The following PRDM16 variants were observed in gnomAD, a reference collection of about 807,000 sequenced individuals.
The protein encoded by PRDM16 is PR/SET domain 16.
A neutral mutation model predicts 110.6 loss-of-function variants in PRDM16; 23 were observed. That is an observed-to-expected ratio of 0.21 (90% confidence interval 0.15 to 0.29). The LOEUF (loss-of-function observed/expected upper bound fraction) is 0.29, where lower values mean the gene tolerates loss of function less well. Among genes scored for constraint, PRDM16 ranks in the 10% least tolerant of loss-of-function variants. PRDM16 has a pLI of 1.00. For missense variants in PRDM16, 1,615 were observed against 1,794.3 expected (o/e 0.90, Z 1.81); for synonymous variants, 799 against 781.8 (o/e 1.02, Z -0.37).
intron 3 of PRDM16, among the ~76,000 whole-genome samples, chr1:3,271,362 C>G (rs750158579): frequency 2.6e-5 from 4 of 152,186 alleles, no homozygotes; most frequent in Non-Finnish European, 4.4e-5. Flanking sequence ...CAGAGCCTCC[C>G]TGGGTCTCCC....
At chr1:3,395,929 C>T (rs139632123) in intron 4 of PRDM16, among the ~76,000 whole-genome samples, 2,893 of 152,316 alleles carry the variant, frequency 0.019, 42 homozygotes, top group Middle Eastern at 0.058. Context: ...AGCAGCAAGG[C>T]GCCAAGCTGA....
At chr1:3,375,902 G>C (rs1457101366) in intron 3 of PRDM16, among the ~76,000 whole-genome samples, 1 of 152,226 alleles carries the variant, frequency 6.6e-6, no homozygotes, top group Non-Finnish European at 1.5e-5. Flanking sequence ...AAGGGGAGGA[G>C]GGAACGAAGG....
In PRDM16 at chr1:3,081,618, G is replaced by T. The variant is rs1274432313; in HGVS notation, c.37+12322G>T. Among the ~76,000 whole-genome samples the T allele has an allele frequency of 6.6e-6, 1 of 152,202 alleles. No homozygotes were observed. The highest frequency in any genetic ancestry group is 1.5e-5 in the Non-Finnish European group (1 of 68,028). ...GGTCTTCCTTCTGTGAGCACGGGGGGTGAGCAGTGGGCAGCTCCAGGAAGC... is the reference window on the plus strand; with the variant it reads ...GGTCTTCCTTCTGTGAGCACGGGGGTTGAGCAGTGGGCAGCTCCAGGAAGC... On this transcript the variant is annotated intron_variant, in intron 1 of 16. Coordinates refer to ENST00000270722, the MANE Select transcript of PRDM16 (RefSeq NM_022114.4). This position sits in a 1 kb window ranked among gnomAD's most constrained non-coding sequence, Gnocchi z 4.6.
chr1:3,366,312 G>A (rs1389241700), intron 3 of PRDM16, among the ~76,000 whole-genome samples: 7 of 152,370 alleles, frequency 4.6e-5, no homozygotes, highest in South Asian at 4.1e-4. Context: ...ACTCCGGGAC[G>A]CGCTGATGTC....
rs984985777 is a variant in PRDM16, at chr1:3,434,397, C to T, written c.*586C>T. ...TGAAATTTGAGCTCATTTGCAAACC[C>T]GAGTCTGCCTGGGAACCCGCACTGT... On this transcript the variant is annotated 3_prime_UTR_variant, in exon 17 of 17. Coordinates refer to ENST00000270722, the MANE Select transcript of PRDM16 (RefSeq NM_022114.4). 8.6e-6 allele frequency: 2 copies of T among 232,190 alleles called. No individual in the cohort carries two copies. Among genetic ancestry groups the T allele is most frequent in the South Asian group, 1.8e-4 (1 of 5,548 alleles). The allele number at this position is 232,190 out of a possible 1,614,324, so 14.4% of individuals were successfully genotyped here.
chr1:3,401,045 C>T (rs907984999), intron 5 of PRDM16, among the ~76,000 whole-genome samples: 1 of 152,212 alleles, frequency 6.6e-6, no homozygotes, highest in Non-Finnish European at 1.5e-5. Context: ...GGAATCCCCA[C>T]CTTGGGCACC....
At chr1:3,166,313 T>C (rs1310690792) in intron 1 of PRDM16, among the ~76,000 whole-genome samples, 1 of 152,258 alleles carries the variant, frequency 6.6e-6, no homozygotes, top group Non-Finnish European at 1.5e-5. Flanking sequence ...GCAACTCCGA[T>C]GCCCACGAGG....
intron 2 of PRDM16, among the ~76,000 whole-genome samples, chr1:3,205,229 T>C (rs952452761): frequency 5.9e-5 from 9 of 151,944 alleles, no homozygotes; most frequent in African/African-American, 2.2e-4. Context: ...GCAGGAATGG[T>C]GCAGCCACAG....
intron 1 of PRDM16, among the ~76,000 whole-genome samples, chr1:3,073,549 A>G (rs1345611548): frequency 6.6e-6 from 1 of 152,000 alleles, no homozygotes; most frequent in Non-Finnish European, 1.5e-5. Context: ...CCCGTGCGGG[A>G]AGGAAACTTC....
chr1:3,373,064 C>G (rs960090750), intron 3 of PRDM16, among the ~76,000 whole-genome samples: 13 of 152,224 alleles, frequency 8.5e-5, no homozygotes, highest in Admixed American at 1.3e-4. Flanking sequence ...CAGGACCAGA[C>G]ATGGATGCTT....
At chr1:3,105,912 C>G (rs1642641049) in intron 1 of PRDM16, among the ~76,000 whole-genome samples, 1 of 149,588 alleles carries the variant, frequency 6.7e-6, no homozygotes, top group African/African-American at 2.5e-5. Context: ...AGCCCAAAGC[C>G]CCTCTGCCAC....
intron 1 of PRDM16, among the ~76,000 whole-genome samples, chr1:3,090,322 G>T (rs1257625304): frequency 6.6e-6 from 1 of 152,256 alleles, no homozygotes; most frequent in African/African-American, 2.4e-5. Flanking sequence ...ACTTCCAAGG[G>T]AGTCCAGCTG....
intron 3 of PRDM16, among the ~76,000 whole-genome samples, chr1:3,281,984 C>T (rs540064830): frequency 3.3e-4 from 50 of 152,308 alleles, no homozygotes; most frequent in African/African-American, 1.2e-3. Flanking sequence ...GAGTGCTGGC[C>T]TGCAGGAAAG....
At chr1:3,308,977 G>C (rs1420387469) in intron 3 of PRDM16, 1 of 152,216 alleles carries the variant, frequency 6.6e-6, no homozygotes, top group Non-Finnish European at 1.5e-5. Context: ...AGTCCGCCAG[G>C]CCCGGTGAAC....
intron 1 of PRDM16, among the ~76,000 whole-genome samples, chr1:3,153,882 G>A (rs1643817305): frequency 6.6e-6 from 1 of 152,204 alleles, no homozygotes; most frequent in African/African-American, 2.4e-5. Flanking sequence ...CTTACAAAAT[G>A]CAAATTAATA....
intron 1 of PRDM16, among the ~76,000 whole-genome samples, chr1:3,111,593 C>T (rs538563213): frequency 4.0e-5 from 6 of 148,860 alleles, no homozygotes; most frequent in African/African-American, 1.5e-4. Context: ...AGGAGGGTGC[C>T]GAGCAAGGTT....
intron 3 of PRDM16, among the ~76,000 whole-genome samples, chr1:3,380,560 T>C (rs925635157): frequency 3.9e-5 from 6 of 152,008 alleles, no homozygotes; most frequent in African/African-American, 1.5e-4. Context: ...TTGCCTCTGG[T>C]CTCCAGGCCT....
rs138079214 is a variant in PRDM16 at position 3,361,636 on chromosome 1, G to A, written c.439-23516G>A. Reference sequence around the variant, plus strand: ...TCGGGAGCAGATGGGGAATCGGAAGGATGGTGTTGTGGGGCTTTTGGAGAA... The same window carrying A: ...TCGGGAGCAGATGGGGAATCGGAAGAATGGTGTTGTGGGGCTTTTGGAGAA... On this transcript the variant is annotated intron_variant, in intron 3 of 16. Transcript: ENST00000270722. Among the ~76,000 whole-genome samples the A allele has an allele frequency of 2.6e-5, 4 of 152,366 alleles. No homozygotes were observed. In the East Asian group the frequency reaches 7.7e-4, roughly 29 times the overall value.
chr1:3,229,963 G>A (rs1009146125), intron 2 of PRDM16, among the ~76,000 whole-genome samples: 8 of 152,228 alleles, frequency 5.3e-5, no homozygotes, highest in Non-Finnish European at 7.3e-5. Context: ...CCGTGCAGGT[G>A]TCGGGACCAA....
Sources: gnomAD v4.1 joint callset for allele counts (sites outside exome capture counted in the v4.1 genomes callset) on GRCh38, gnomAD v4.1.1 for gene constraint, Gnocchi (gnomAD v3.1) non-coding constraint, MANE v1.5 for transcripts, NCBI Gene and HGNC (gene_info 2026-07-23, HGNC 2026-07-21) for gene names.